Variants in CFAP77 observed in about 807,000 individuals in gnomAD.
The protein encoded by CFAP77 is cilia and flagella associated protein 77, also known as cilia- and flagella-associated protein 77.
CFAP77 carries 25 observed loss-of-function variants against 31.1 expected under a neutral mutation model. That is an observed-to-expected ratio of 0.80 (90% confidence interval 0.59 to 1.12). The LOEUF (loss-of-function observed/expected upper bound fraction) is 1.12, where lower values mean the gene tolerates loss of function less well. Among genes scored for constraint, CFAP77 ranks in the 50% most tolerant of loss-of-function variants. The pLI, the probability that CFAP77 is intolerant of heterozygous loss-of-function variation, is 0.00. For missense variants in CFAP77, 377 were observed against 397.3 expected (o/e 0.95, Z 0.44); for synonymous variants, 151 against 159.9 (o/e 0.94, Z 0.42).
chr9:132,490,637 C>T lies in CFAP77; in HGVS notation c.196-8058C>T, dbSNP rs974782853. Reference sequence around the variant, plus strand: ...CTCCCTGCTCTAAGTCCCCTTGGCCCTCTTACCCTCCCTGGCTACTCCTGG... The same window carrying T: ...CTCCCTGCTCTAAGTCCCCTTGGCCTTCTTACCCTCCCTGGCTACTCCTGG... On this transcript the variant is annotated intron_variant, in intron 1 of 5. Transcript: ENST00000393216. This position sits in a 1 kb window ranked among gnomAD's most constrained non-coding sequence, Gnocchi z 4.6. 3.9e-5 allele frequency among the ~76,000 whole-genome samples: 6 copies of T among 152,158 alleles called. No individual in the cohort carries two copies. Among genetic ancestry groups the T allele is most frequent in the Non-Finnish European group, 7.4e-5 (5 of 68,012 alleles).
intron 1 of CFAP77, among the ~76,000 whole-genome samples, chr9:132,441,674 T>C (rs1219249658): frequency 1.3e-5 from 2 of 152,192 alleles, no homozygotes; most frequent in African/African-American, 4.8e-5. Context: ...AACAAGGAAG[T>C]GCTTAGGCTG....
At chr9:132,485,985 C>CATAT (rs61265124) in intron 1 of CFAP77, among the ~76,000 whole-genome samples, 33 of 53,512 alleles carry the variant, frequency 6.2e-4, no homozygotes, top group South Asian at 1.4e-3. Context: ...ACACACACCT[C>CATAT]ATATATATAT....
chr9:132,447,672 A>G (rs1850749744), intron 1 of CFAP77, among the ~76,000 whole-genome samples: 1 of 152,226 alleles, frequency 6.6e-6, no homozygotes, highest in Admixed American at 6.5e-5. Context: ...TCAAATACAC[A>G]CTAAGCTGCT....
At chr9:132,494,056 C>T (rs1851697825) in intron 1 of CFAP77, among the ~76,000 whole-genome samples, 2 of 151,670 alleles carry the variant, frequency 1.3e-5, no homozygotes, top group Non-Finnish European at 1.5e-5. Context: ...GAACCACAGG[C>T]ACACGCCACC....
At chr9:132,551,131 GA>G (rs376296073) in intron 5 of CFAP77, among the ~76,000 whole-genome samples, 4,531 of 150,154 alleles carry the variant, frequency 0.03, 126 homozygotes, top group African/African-American at 0.069. Flanking sequence ...AAAGAAAAAA[GA>G]AAAAAAAATG....
At chr9:132,514,724 G>T (rs182729696) in intron 3 of CFAP77, among the ~76,000 whole-genome samples, 2 of 152,164 alleles carry the variant, frequency 1.3e-5, no homozygotes, top group African/African-American at 4.8e-5. Flanking sequence ...CAAGCCTCCC[G>T]GCGTCATTAG....
intron 1 of CFAP77, among the ~76,000 whole-genome samples, chr9:132,467,948 T>C (rs1486662582): frequency 6.6e-6 from 1 of 151,998 alleles, no homozygotes; most frequent in Non-Finnish European, 1.5e-5. Context: ...CAAAGCTCTG[T>C]TCATGAAGTG....
Position 132,565,779 on chromosome 9 carries a change from G to A in CFAP77, c.733-6609G>A, listed in dbSNP as rs143946879. Among the ~76,000 whole-genome samples the A allele has an allele frequency of 5.4e-3, 818 of 152,250 alleles. 8 individuals are homozygous for A. The highest frequency in any genetic ancestry group is 0.019 in the African/African-American group (774 of 41,558). ...TGTTTCCAGGGCACTGCATGGCAGCGCTCTGTCCTTATTTCTGCGATGCCA... is the reference window on the plus strand; with the variant it reads ...TGTTTCCAGGGCACTGCATGGCAGCACTCTGTCCTTATTTCTGCGATGCCA... On this transcript the variant is annotated intron_variant, in intron 5 of 5. Transcript: ENST00000393216. This position sits in a 1 kb window ranked among gnomAD's most constrained non-coding sequence, Gnocchi z 4.1.
intron 1 of CFAP77, among the ~76,000 whole-genome samples, chr9:132,427,872 A>G (rs1275077870): frequency 6.6e-6 from 1 of 152,220 alleles, no homozygotes; most frequent in Non-Finnish European, 1.5e-5. Flanking sequence ...CCCTATTACC[A>G]AATGAAACCA....
intron 1 of CFAP77, among the ~76,000 whole-genome samples, chr9:132,457,632 C>T (rs1006931867): frequency 2.6e-5 from 4 of 152,304 alleles, no homozygotes; most frequent in Middle Eastern, 3.4e-3. Flanking sequence ...TGGAATCTGG[C>T]GACAGGTTAC....
At chr9:132,488,782 C>A (rs1851605265) in intron 1 of CFAP77, among the ~76,000 whole-genome samples, 1 of 152,172 alleles carries the variant, frequency 6.6e-6, no homozygotes, top group South Asian at 2.1e-4. Context: ...CAGGGCCTGG[C>A]CCTTCATGAT....
intron 1 of CFAP77, among the ~76,000 whole-genome samples, chr9:132,471,551 T>C (rs1454408018): frequency 6.6e-6 from 1 of 152,118 alleles, no homozygotes; most frequent in Non-Finnish European, 1.5e-5. Flanking sequence ...TCTTTCACTT[T>C]GGGATCTTTT....
intron 1 of CFAP77, among the ~76,000 whole-genome samples, chr9:132,492,114 C>T (rs963962402): frequency 6.6e-6 from 1 of 152,020 alleles, no homozygotes; most frequent in Non-Finnish European, 1.5e-5. Flanking sequence ...ATAGTGAGAC[C>T]CCATCTCTAC....
chr9:132,538,859 G>T (rs569456326), intron 4 of CFAP77, among the ~76,000 whole-genome samples: 1 of 152,054 alleles, frequency 6.6e-6, no homozygotes, highest in South Asian at 2.1e-4. Context: ...AGGCCAAGGC[G>T]GGCGGATCAT....
At position 132,514,969 on chromosome 9, in the gene CFAP77, C is replaced by A. The variant is rs139061838; in HGVS notation, c.524+15369C>A. Among the ~76,000 whole-genome samples, 45 of 152,274 alleles carry A rather than the reference C, an allele frequency of 3.0e-4. 1 individual carries two copies. Among genetic ancestry groups the A allele is most frequent in the African/African-American group, 1.1e-3 (45 of 41,566 alleles). Reference sequence around the variant, plus strand: ...GGCGCCAGAGCTCAGCCCCCCAGCCCGCCCCAGCTCTCTGCTGGGAGGACA... The same window carrying A: ...GGCGCCAGAGCTCAGCCCCCCAGCCAGCCCCAGCTCTCTGCTGGGAGGACA... On this transcript the variant is annotated intron_variant, in intron 3 of 5. Coordinates refer to ENST00000393216, the MANE Select transcript of CFAP77 (RefSeq NM_001282957.2).
At chr9:132,478,179 G>A (rs1342495676) in intron 1 of CFAP77, among the ~76,000 whole-genome samples, 13 of 152,116 alleles carry the variant, frequency 8.5e-5, no homozygotes, top group African/African-American at 1.7e-4. Flanking sequence ...TGCCCCATGC[G>A]CCTCTTCCCT....
intron 3 of CFAP77, among the ~76,000 whole-genome samples, chr9:132,523,269 A>G (rs988498430): frequency 1.2e-4 from 18 of 151,972 alleles, no homozygotes; most frequent in African/African-American, 4.3e-4. Flanking sequence ...TGTATTTTTT[A>G]GTAGAGACAG....
chr9:132,452,865 T>C (rs1036401400), intron 1 of CFAP77, among the ~76,000 whole-genome samples: 1 of 152,246 alleles, frequency 6.6e-6, no homozygotes, highest in African/African-American at 2.4e-5. Flanking sequence ...GAGGACCAGA[T>C]GACCCTTTCT....
rs1028747163 is a variant in CFAP77, at chr9:132,565,718, C to G, written c.733-6670C>G. Among the ~76,000 whole-genome samples the G allele has an allele frequency of 6.6e-6, 1 of 152,164 alleles. No homozygotes were observed. The highest frequency in any genetic ancestry group is 1.5e-5 in the Non-Finnish European group (1 of 68,018). On this transcript the variant is annotated intron_variant, in intron 5 of 5. Transcript: ENST00000393216. This position sits in a 1 kb window ranked among gnomAD's most constrained non-coding sequence, Gnocchi z 4.1. ...TAGTGACCGCTTCCCAAGATGTCTCCCTGGGTCCATGTGGGCTCTGCCTTC... is the reference window on the plus strand; with the variant it reads ...TAGTGACCGCTTCCCAAGATGTCTCGCTGGGTCCATGTGGGCTCTGCCTTC...
Sources: allele counts gnomAD v4.1 joint callset (sites outside exome capture counted in the v4.1 genomes callset), GRCh38; gene constraint gnomAD v4.1.1; non-coding constraint Gnocchi (gnomAD v3.1); transcripts MANE v1.5; gene names NCBI Gene and HGNC (gene_info 2026-07-23, HGNC 2026-07-21).